The following ADAMTSL1 variants were observed in gnomAD, a reference collection of about 807,000 sequenced individuals.
ADAMTSL1 encodes the protein ADAMTS like 1, also known as ADAMTS-like protein 1.
ADAMTSL1 carries 126 observed loss-of-function variants against 201.8 expected under a neutral mutation model. The ratio of observed to expected loss-of-function variants is 0.62; its 90% CI spans 0.54 to 0.72. The LOEUF (loss-of-function observed/expected upper bound fraction) is 0.72, where lower values mean the gene tolerates loss of function less well. ADAMTSL1 is among the 30% of genes least tolerant of loss of function. The probability of loss-of-function intolerance (pLI) is 0.00; values close to 1 mark genes in which losing one functional copy is unlikely to be tolerated. For missense variants in ADAMTSL1, 2,679 were observed against 2,277.8 expected (o/e 1.18, Z -3.59); for synonymous variants, 1,121 against 903.4 (o/e 1.24, Z -4.32).
intron 19 of ADAMTSL1, among the ~76,000 whole-genome samples, chr9:18,792,682 C>G (rs1168144828): frequency 3.9e-5 from 6 of 152,154 alleles, no homozygotes; most frequent in African/African-American, 1.4e-4. Context: ...CTGGGACATC[C>G]TAAAGCTTTA....
chr9:18,262,320 T>C (rs532483852), intron 2 of ADAMTSL1, among the ~76,000 whole-genome samples: 16 of 152,252 alleles, frequency 1.1e-4, no homozygotes, highest in Admixed American at 9.2e-4. Context: ...TGCCCACAGC[T>C]TCAACCAATG....
intron 2 of ADAMTSL1, among the ~76,000 whole-genome samples, chr9:18,252,389 G>T (rs367654070): frequency 2.0e-5 from 3 of 152,144 alleles, no homozygotes; most frequent in South Asian, 4.2e-4. Flanking sequence ...TATCCATTGG[G>T]GGTTGGTTCC....
At chr9:18,338,501 T>C (rs568749569) in intron 2 of ADAMTSL1, among the ~76,000 whole-genome samples, 1 of 152,226 alleles carries the variant, frequency 6.6e-6, no homozygotes, top group South Asian at 2.1e-4. Flanking sequence ...GGTTAGAGTG[T>C]GGTGGCATAA....
chr9:18,375,472 T>C (rs1587005876), intron 2 of ADAMTSL1, among the ~76,000 whole-genome samples: 1 of 152,208 alleles, frequency 6.6e-6, no homozygotes, highest in African/African-American at 2.4e-5. Context: ...TTTGTCTGAT[T>C]TGTGCTGACA....
intron 28 of ADAMTSL1, 129 bp downstream of exon 28, chr9:18,907,041 G>A (rs755809278): frequency 9.8e-7 from 1 of 1,019,658 alleles, no homozygotes. Context: ...AGCTGGTGGT[G>A]GAGTTGAGCA....
chr9:18,572,961 C>T (rs1434569499), intron 3 of ADAMTSL1, among the ~76,000 whole-genome samples: 1 of 152,114 alleles, frequency 6.6e-6, no homozygotes, highest in African/African-American at 2.4e-5. Context: ...ATAAACCTAT[C>T]AAAAAGCCCT....
At chr9:18,868,172 A>AT (rs1489398292) in intron 23 of ADAMTSL1, among the ~76,000 whole-genome samples, 3 of 152,088 alleles carry the variant, frequency 2.0e-5, no homozygotes, top group African/African-American at 7.2e-5. Context: ...AGTCCAATTG[A>AT]TTTTTTATTA....
intron 19 of ADAMTSL1, among the ~76,000 whole-genome samples, chr9:18,783,409 C>T (rs1050916840): frequency 5.3e-5 from 8 of 152,188 alleles, no homozygotes; most frequent in African/African-American, 1.2e-4. Context: ...ACTCTTTCTA[C>T]GGTAGGGACC....
chr9:18,710,350 C>T (rs537577449), intron 14 of ADAMTSL1, among the ~76,000 whole-genome samples: 28 of 152,216 alleles, frequency 1.8e-4, no homozygotes, highest in Non-Finnish European at 3.7e-4. Context: ...CTTAGTTTCA[C>T]CCACCACACT....
At chr9:18,063,757 G>C (rs7020592) in intron 1 of ADAMTSL1, among the ~76,000 whole-genome samples, 20,874 of 152,106 alleles carry the variant, frequency 0.14, 2,010 homozygotes, top group East Asian at 0.4. Flanking sequence ...AACTACACTA[G>C]AATCATCTTG....
At chr9:17,937,106 T>A (rs543910757) in intron 1 of ADAMTSL1, among the ~76,000 whole-genome samples, 1 of 152,264 alleles carries the variant, frequency 6.6e-6, no homozygotes, top group Admixed American at 6.5e-5. Flanking sequence ...CATCCATGGT[T>A]GCTGCAGAGA....
At chr9:18,586,163 A>G (rs1388586138) in intron 4 of ADAMTSL1, among the ~76,000 whole-genome samples, 2 of 152,220 alleles carry the variant, frequency 1.3e-5, no homozygotes, top group Non-Finnish European at 2.9e-5. Flanking sequence ...CTGTTTGCAG[A>G]CAACATGATT....
chr9:18,180,532 CAAAAAAAAAA>C (rs71333030), intron 2 of ADAMTSL1, among the ~76,000 whole-genome samples: 24,865 of 92,264 alleles, frequency 0.27, 2,527 homozygotes, highest in Middle Eastern at 0.35. Context: ...GACTCCGTGT[CAAAAAAAAAA>C]AAAAAAAAAA....
Position 18,657,666 on chromosome 9 carries a change from A to C in ADAMTSL1, c.862A>C (p.Thr288Pro), listed in dbSNP as rs770791137. ...TCGTAACTCGGGCTCCGCTGACAGT[A>C]CAGTCCAGTTCATCTTCTATCAACC... Reference protein sequence around the residue: ...KIRNSGSADSTVQFIFYQPII... With the variant: ...KIRNSGSADSPVQFIFYQPII... The change falls in exon 8 of 29, where the codon ACA (threonine) becomes CCA (proline). Residue 288 changes from threonine to proline, a missense_variant. Thr to Pro is a conservative substitution (Grantham distance 38, BLOSUM62 -1). Coordinates refer to ENST00000380548, the MANE Select transcript of ADAMTSL1 (RefSeq NM_001040272.6). The C allele has an allele frequency of 1.9e-5, 30 of 1,614,100 alleles. No homozygotes were observed. The highest frequency in any genetic ancestry group is 2.4e-5 in the Non-Finnish European group (28 of 1,180,044).
Position 18,173,520 on chromosome 9 carries a change from C to G in ADAMTSL1, c.207+9539C>G, listed in dbSNP as rs78122647. On this transcript the variant is annotated intron_variant, in intron 2 of 29. Transcript: ENST00000680146. ...GGAAAAATAATTCTTTTTTCTTTAT[C>G]AAGTTCTAATTTCCTTACAGCTTAC... Among the ~76,000 whole-genome samples the G allele has an allele frequency of 1.7e-3, 257 of 152,136 alleles. No homozygotes were observed. The East Asian group carries it at 0.038, about 22-fold the overall frequency.
intron 1 of ADAMTSL1, among the ~76,000 whole-genome samples, chr9:18,498,063 T>C (rs1463833500): frequency 6.6e-6 from 1 of 152,206 alleles, no homozygotes; most frequent in African/African-American, 2.4e-5. Context: ...CATTGTCATT[T>C]TATACAAAAT....
chr9:18,672,787 A>G (rs1044826605), intron 9 of ADAMTSL1, among the ~76,000 whole-genome samples: 1 of 152,212 alleles, frequency 6.6e-6, no homozygotes, highest in Admixed American at 6.5e-5. Context: ...TGAATTGTCA[A>G]TGGACAATTC....
At chr9:18,461,047 T>C (rs1391714352) in intron 2 of ADAMTSL1, among the ~76,000 whole-genome samples, 1 of 152,220 alleles carries the variant, frequency 6.6e-6, no homozygotes, top group Non-Finnish European at 1.5e-5. Flanking sequence ...TTAACAAATG[T>C]AACTTTTAAA....
At chr9:18,611,799 G>A (rs1208331478) in intron 4 of ADAMTSL1, among the ~76,000 whole-genome samples, 1 of 152,194 alleles carries the variant, frequency 6.6e-6, no homozygotes. Flanking sequence ...CCTGGCAAAA[G>A]TTTATTCCTA....
Sources: gnomAD v4.1 joint callset for allele counts (sites outside exome capture counted in the v4.1 genomes callset) on GRCh38, gnomAD v4.1.1 for gene constraint, MANE v1.5 for transcripts, NCBI Gene and HGNC (gene_info 2026-07-23, HGNC 2026-07-21) for gene names.